EYS: variants seen among roughly 807,000 people sequenced by gnomAD.
EYS encodes the protein EGF-like photoreceptor maintenance factor.
EYS carries 250 observed loss-of-function variants against 282.1 expected under a neutral mutation model. The observed-to-expected ratio is 0.89, with a 90% CI of 0.80 to 0.98. EYS has a LOEUF of 0.98. EYS is among the 50% of genes least tolerant of loss of function. EYS has a pLI of 0.00. For synonymous variants in EYS, 1,355 were observed against 1,282.9 expected (o/e 1.06, Z -1.20); for missense variants, 4,016 against 3,709.0 (o/e 1.08, Z -2.15).
chr6:63,796,245 A>G (rs1770641397), intron 37 of EYS, among the ~76,000 whole-genome samples: 2 of 152,172 alleles, frequency 1.3e-5, no homozygotes, highest in South Asian at 4.1e-4. Context: ...AGAAATTAGA[A>G]CTACTTGTCT....
chr6:63,749,007 ATTTC>A (rs968817551), intron 41 of EYS, among the ~76,000 whole-genome samples: 8 of 151,714 alleles, frequency 5.3e-5, no homozygotes, highest in Admixed American at 1.3e-4. Flanking sequence ...GATTTTGGTT[ATTTC>A]TTTCTTCTGC....
intron 12 of EYS, among the ~76,000 whole-genome samples, chr6:65,263,870 T>A (rs752263884): frequency 7.9e-5 from 12 of 151,756 alleles, no homozygotes; most frequent in Non-Finnish European, 1.5e-4. Context: ...CTGGAAATAG[T>A]CACTGAACTC....
At chr6:65,316,646 G>A (rs1431713788) in intron 11 of EYS, among the ~76,000 whole-genome samples, 1 of 151,286 alleles carries the variant, frequency 6.6e-6, no homozygotes, top group African/African-American at 2.4e-5. Context: ...TCTCCCCCTG[G>A]CAGGCCCCAG....
chr6:63,953,366 C>A (rs954093484), intron 35 of EYS, among the ~76,000 whole-genome samples: 3 of 152,156 alleles, frequency 2.0e-5, no homozygotes, highest in African/African-American at 7.2e-5. Context: ...GCCCCTCCTA[C>A]AAATCTTCCC....
At chr6:64,026,852 G>T (rs372107427) in intron 33 of EYS, among the ~76,000 whole-genome samples, 5 of 152,070 alleles carry the variant, frequency 3.3e-5, no homozygotes, top group African/African-American at 1.2e-4. Context: ...GGCCCAACCC[G>T]GGTACATGTC....
intron 29 of EYS, among the ~76,000 whole-genome samples, chr6:64,350,492 G>A (rs1167311053): frequency 6.6e-6 from 1 of 151,422 alleles, no homozygotes; most frequent in Non-Finnish European, 1.5e-5. Context: ...GAAAACATAA[G>A]GAGAGAGCCA....
chr6:64,045,402 A>C (rs1374090904), intron 33 of EYS, among the ~76,000 whole-genome samples: 1 of 145,760 alleles, frequency 6.9e-6, no homozygotes, highest in Admixed American at 6.9e-5. Context: ...ATTTTATTTT[A>C]TTTTATTTTA....
intron 32 of EYS, among the ~76,000 whole-genome samples, chr6:64,069,470 T>C (rs1190250476): frequency 6.6e-6 from 1 of 152,054 alleles, no homozygotes; most frequent in African/African-American, 2.4e-5. Flanking sequence ...ACATGTGATA[T>C]ACATATATCA....
rs201148377 is a variant in EYS, at chr6:64,299,596, A to AT, written c.6191+7373dup. On this transcript the variant is annotated intron_variant, in intron 30 of 42. Transcript: ENST00000503581. The stretch of plus-strand genomic sequence containing the variant: ...GCTTGGGATTTCCAAGTTCACAGGG[A>AT]TTGTTCAGGCTAGGATTTCATCATG... Among the ~76,000 whole-genome samples the AT allele has an allele frequency of 3.8e-4, 58 of 152,298 alleles. No homozygotes were observed. In the East Asian group the frequency reaches 9.5e-3, roughly 25 times the overall value.
At chr6:64,851,663 T>A (rs552665269) in intron 19 of EYS, among the ~76,000 whole-genome samples, 1 of 152,080 alleles carries the variant, frequency 6.6e-6, no homozygotes, top group East Asian at 1.9e-4. Flanking sequence ...TGGATAGAAG[T>A]GGAGGTCATT....
Position 64,683,175 on chromosome 6 carries a change from A to C in EYS, c.3444-56930T>G, listed in dbSNP as rs75261000. On this transcript the variant is annotated intron_variant, in intron 22 of 42. Coordinates refer to ENST00000503581, the MANE Select transcript of EYS (RefSeq NM_001142800.2). ...CAGAATCAACATTCTTTATAAAAAG[A>C]ATCCAAAGGCTCAATAGCCTATCAT... Among the ~76,000 whole-genome samples the C allele has an allele frequency of 5.5e-3, 833 of 152,358 alleles. 3 individuals are homozygous for C. Among genetic ancestry groups the C allele is most frequent in the Non-Finnish European group, 9.2e-3 (628 of 68,028 alleles).
At chr6:65,660,949 G>T (rs758843509) in intron 1 of EYS, among the ~76,000 whole-genome samples, 2 of 151,808 alleles carry the variant, frequency 1.3e-5, no homozygotes, top group Non-Finnish European at 2.9e-5. Context: ...TTATGATAAT[G>T]ATGATAATAA....
At chr6:65,405,402 A>G in intron 5 of EYS, 35 bp from the exon 6 acceptor site, 2 of 1,520,410 alleles carry the variant, frequency 1.3e-6, no homozygotes, top group African/African-American at 1.4e-5. Flanking sequence ...AAAAAAGAAA[A>G]GGAAGGAAGG....
At chr6:63,986,624 T>C (rs138611232) in intron 34 of EYS, among the ~76,000 whole-genome samples, 6 of 151,826 alleles carry the variant, frequency 4.0e-5, no homozygotes, top group African/African-American at 1.4e-4. Context: ...ATGGCTTTTG[T>C]GGACACATGG....
chr6:64,750,419 G>GCA lies in EYS; in HGVS notation c.3443+62958_3443+62959insTG, dbSNP rs1772706270. 2.5e-4 allele frequency among the ~76,000 whole-genome samples: 6 copies of GCA among 23,618 alleles called. No homozygotes were observed. In the South Asian group the frequency reaches 0.011, roughly 41 times the overall value. 15.5% of individuals were successfully genotyped at this position (23,618 alleles called of 152,430 possible). A position where few individuals can be genotyped will look rare whatever the true frequency, so the allele number is the denominator to read the frequency against. ...AATTTTACAGCAAATAAGAGGGAAA[G>GCA]TAAAAAAAAAAAAGCTTTCTTTTTC... On this transcript the variant is annotated intron_variant, in intron 22 of 42. Transcript: ENST00000503581.
chr6:65,067,293 T>C (rs940890957), intron 12 of EYS, among the ~76,000 whole-genome samples: 2 of 152,076 alleles, frequency 1.3e-5, no homozygotes, highest in African/African-American at 4.8e-5. Flanking sequence ...TCTTTCTGAA[T>C]AGCTGGACAT....
At chr6:65,267,210 T>C (rs1028334160) in intron 12 of EYS, among the ~76,000 whole-genome samples, 12 of 151,972 alleles carry the variant, frequency 7.9e-5, no homozygotes, top group South Asian at 4.1e-4. Flanking sequence ...TCAATTATGA[T>C]TGGGTAAAAT....
chr6:64,603,050 G>A (rs1468216598), intron 24 of EYS, among the ~76,000 whole-genome samples: 1 of 151,900 alleles, frequency 6.6e-6, no homozygotes, highest in Middle Eastern at 3.2e-3. Context: ...TACAAGGCTA[G>A]GACATTAGAA....
At chr6:64,820,221 T>C (rs911133915) in intron 21 of EYS, among the ~76,000 whole-genome samples, 5 of 152,050 alleles carry the variant, frequency 3.3e-5, no homozygotes, top group Non-Finnish European at 7.4e-5. Context: ...CTGAGTATAA[T>C]GAGTTTGCTC....
Sources: allele counts gnomAD v4.1 joint callset (sites outside exome capture counted in the v4.1 genomes callset), GRCh38; gene constraint gnomAD v4.1.1; transcripts MANE v1.5; gene names NCBI Gene and HGNC (gene_info 2026-07-23, HGNC 2026-07-21).